The following DIP2C variants were observed in gnomAD, a reference collection of about 807,000 sequenced individuals.
DIP2C encodes disco-interacting protein 2 homolog C.
DIP2C carries 33 observed loss-of-function variants against 192.4 expected under a neutral mutation model. The ratio of observed to expected loss-of-function variants is 0.17; its 90% CI spans 0.13 to 0.23. The LOEUF (loss-of-function observed/expected upper bound fraction) is 0.23, where lower values mean the gene tolerates loss of function less well. Among genes scored for constraint, DIP2C ranks in the 10% least tolerant of loss-of-function variants. DIP2C has a pLI of 1.00. For missense variants in DIP2C, 1,537 were observed against 2,110.1 expected, an observed-to-expected ratio of 0.73 and a Z score of 5.32; for synonymous variants, 979 against 864.1, an observed-to-expected ratio of 1.13 and a Z score of -2.33.
At position 289,881 on chromosome 10, in the gene DIP2C, C is replaced by T. The variant is rs1955393586; in HGVS notation, c.3987-1460G>A. On this transcript the variant is annotated intron_variant, in intron 32 of 36. Transcript: ENST00000280886. ...CCTCCACGTGCCAGACATGTGGCTG[C>T]ACTGCTCCTGCCAGACCTAGGGCTG... Among the ~76,000 whole-genome samples the T allele has an allele frequency of 1.3e-5, 2 of 152,218 alleles. 1 individual carries two copies. Among genetic ancestry groups the T allele is most frequent in the South Asian group, 4.1e-4 (2 of 4,828 alleles).
At chr10:670,521 TA>T (rs1564328914) in intron 1 of DIP2C, among the ~76,000 whole-genome samples, 1 of 152,192 alleles carries the variant, frequency 6.6e-6, no homozygotes, top group African/African-American at 2.4e-5. Context: ...AGAGACAACA[TA>T]GGGGGACGGC....
chr10:419,214 A>ATC lies in DIP2C; in HGVS notation c.605-17_605-16dup, dbSNP rs1966005380. On this transcript the variant is annotated splice_polypyrimidine_tract_variant and intron_variant, in intron 5 of 36. Transcript: ENST00000280886. ...AGAATGATTTTCTGTAAAGAAACAC[A>ATC]TCATGAGATTTTCTGGTGGTTGTGA... The ATC allele has an allele frequency of 6.2e-7, 1 of 1,614,014 alleles. No individual in the cohort carries two copies. The highest frequency in any genetic ancestry group is 8.5e-7 in the Non-Finnish European group (1 of 1,180,004).
chr10:318,503 C>T lies in DIP2C; in HGVS notation c.3925-8411G>A, dbSNP rs527485069. Among the ~76,000 whole-genome samples the T allele has an allele frequency of 1.8e-4, 27 of 152,346 alleles. 1 individual carries two copies. The East Asian group carries it at 5.2e-3, about 29-fold the overall frequency. On this transcript the variant is annotated intron_variant, in intron 31 of 36. Coordinates refer to ENST00000280886, the MANE Select transcript of DIP2C (RefSeq NM_014974.3). ...TCAAGGTGTGGTGTCCTCACAAGAA[C>T]AAGCTGCTGCACAAGCGGTTCCCAT...
intron 1 of DIP2C, among the ~76,000 whole-genome samples, chr10:679,664 T>C (rs1831058611): frequency 7.4e-6 from 1 of 135,418 alleles, no homozygotes. Flanking sequence ...GCACTCGTCC[T>C]CCCCATACCC....
intron 24 of DIP2C, among the ~76,000 whole-genome samples, chr10:353,279 G>T (rs146421346): frequency 2.6e-5 from 4 of 151,442 alleles, no homozygotes; most frequent in Non-Finnish European, 4.4e-5. Flanking sequence ...AAACAACTTG[G>T]GGGAAAAAAA....
intron 1 of DIP2C, among the ~76,000 whole-genome samples, chr10:587,369 C>T (rs1217027256): frequency 6.6e-6 from 1 of 152,212 alleles, no homozygotes; most frequent in Non-Finnish European, 1.5e-5. Flanking sequence ...GTGGCCACCT[C>T]GTGGGATGAC....
At chr10:350,732 G>A (rs1368535960) in intron 24 of DIP2C, among the ~76,000 whole-genome samples, 2 of 148,442 alleles carry the variant, frequency 1.3e-5, no homozygotes, top group Non-Finnish European at 3.0e-5. Flanking sequence ...TCCGCCTTCC[G>A]GATTCAAGCA....
chr10:385,895 T>G (rs566769462), intron 14 of DIP2C, among the ~76,000 whole-genome samples: 1 of 152,236 alleles, frequency 6.6e-6, no homozygotes, highest in African/African-American at 2.4e-5. Context: ...CCCAGAGCTC[T>G]GCCGACTCCC....
At chr10:383,985 C>T (rs1962626625) in intron 16 of DIP2C, 42 bp downstream of exon 16, 2 of 1,446,176 alleles carry the variant, frequency 1.4e-6, no homozygotes, top group African/African-American at 1.5e-5. Context: ...AAAAAGACTC[C>T]ACAGCCCGCC....
chr10:554,699 C>T (rs1298476870), intron 1 of DIP2C, among the ~76,000 whole-genome samples: 5 of 152,148 alleles, frequency 3.3e-5, no homozygotes, highest in Admixed American at 6.5e-5. Context: ...GCCAGGACAC[C>T]GCGCACAGAT....
At chr10:571,034 AC>A (rs764870196) in intron 1 of DIP2C, among the ~76,000 whole-genome samples, 41 of 152,186 alleles carry the variant, frequency 2.7e-4, no homozygotes, top group Non-Finnish European at 5.3e-4. Flanking sequence ...TCCACGCTGG[AC>A]CGGCACTGGC....
At chr10:376,764 T>G (rs934932153) in intron 17 of DIP2C, among the ~76,000 whole-genome samples, 2 of 152,050 alleles carry the variant, frequency 1.3e-5, no homozygotes, top group Non-Finnish European at 2.9e-5. Context: ...ACTAATAAAT[T>G]CACAGTACTG....
At chr10:517,620 T>G (rs1419944683) in intron 1 of DIP2C, among the ~76,000 whole-genome samples, 1 of 152,178 alleles carries the variant, frequency 6.6e-6, no homozygotes, top group African/African-American at 2.4e-5. Context: ...ATGGACGCCT[T>G]CCAAGTGAAT....
chr10:436,888 G>A (rs1434293564), intron 4 of DIP2C, among the ~76,000 whole-genome samples: 26 of 114,222 alleles, frequency 2.3e-4, no homozygotes, highest in African/African-American at 5.0e-4. Flanking sequence ...GATATGCTCC[G>A]CCCACACCTG....
At chr10:507,993 G>A (rs1845742549) in intron 1 of DIP2C, among the ~76,000 whole-genome samples, 1 of 152,220 alleles carries the variant, frequency 6.6e-6, no homozygotes, top group Admixed American at 6.5e-5. Context: ...GTCCTGGTCA[G>A]GAAGAGCTGC....
Position 303,582 on chromosome 10 carries a change from G to A in DIP2C, c.3986+6449C>T, listed in dbSNP as rs188164115. ...CTTGTTGACCAGACTGGAGTGCAGT[G>A]GCGCGATCTTGGCTCACCACAACCT... is the stretch of plus-strand genomic sequence containing the variant. On this transcript the variant is annotated intron_variant, in intron 32 of 36. Transcript: ENST00000280886. Among the ~76,000 whole-genome samples, 4 of 151,612 alleles carry A rather than the reference G, an allele frequency of 2.6e-5. No homozygotes were observed. The East Asian group carries it at 5.8e-4, about 22-fold the overall frequency.
chr10:520,645 C>T (rs532155385), intron 1 of DIP2C, among the ~76,000 whole-genome samples: 1 of 152,324 alleles, frequency 6.6e-6, no homozygotes, highest in African/African-American at 2.4e-5. Context: ...GCTCCTTCCG[C>T]ACTCCCCCGC....
intron 1 of DIP2C, among the ~76,000 whole-genome samples, chr10:626,584 A>G (rs1306820969): frequency 6.6e-6 from 1 of 152,062 alleles, no homozygotes; most frequent in East Asian, 1.9e-4. Flanking sequence ...AGAGCATGTC[A>G]CATGACTCTT....
intron 26 of DIP2C, among the ~76,000 whole-genome samples, chr10:347,322 G>A (rs868740925): frequency 2.9e-5 from 3 of 104,166 alleles, no homozygotes; most frequent in African/African-American, 8.2e-5. Context: ...CAGACATATC[G>A]CGTATAGTTC....
Sources: allele counts gnomAD v4.1 joint callset (sites outside exome capture counted in the v4.1 genomes callset), GRCh38; gene constraint gnomAD v4.1.1; transcripts MANE v1.5; gene names NCBI Gene and HGNC (gene_info 2026-07-23, HGNC 2026-07-21).